Variants in MAP4K4 observed in about 807,000 individuals in gnomAD.
The protein encoded by MAP4K4 is mitogen-activated protein kinase kinase kinase kinase 4.
In MAP4K4, 38 loss-of-function variants were observed where a neutral mutation model predicts 189.6. The ratio of observed to expected loss-of-function variants is 0.20; its 90% CI spans 0.15 to 0.26. MAP4K4 has a LOEUF of 0.26. MAP4K4 is among the 10% of genes least tolerant of loss of function. The pLI, the probability that MAP4K4 is intolerant of heterozygous loss-of-function variation, is 1.00. For synonymous variants in MAP4K4, 610 were observed against 624.3 expected, an observed-to-expected ratio of 0.98 and a Z score of 0.34; for missense variants, 1,054 against 1,726.9, an observed-to-expected ratio of 0.61 and a Z score of 6.91.
chr2:101,838,731 T>C (rs767246418), intron 9 of MAP4K4, among the ~76,000 whole-genome samples: 1 of 152,264 alleles, frequency 6.6e-6, no homozygotes, highest in African/African-American at 2.4e-5. Flanking sequence ...AGTTGATACG[T>C]AAATATTTGT....
At chr2:101,823,001 C>T (rs2096163686) in intron 3 of MAP4K4, among the ~76,000 whole-genome samples, 1 of 152,130 alleles carries the variant, frequency 6.6e-6, no homozygotes, top group South Asian at 2.1e-4. Flanking sequence ...TCTGTACTAA[C>T]TACAAATCTT....
At chr2:101,822,243 G>T (rs868308345) in intron 3 of MAP4K4, among the ~76,000 whole-genome samples, 1 of 152,098 alleles carries the variant, frequency 6.6e-6, no homozygotes, top group Non-Finnish European at 1.5e-5. Flanking sequence ...TATACAGCTG[G>T]CTGTGCGGCA....
chr2:101,841,217 C>T (rs2096908507), intron 10 of MAP4K4, among the ~76,000 whole-genome samples: 2 of 152,146 alleles, frequency 1.3e-5, no homozygotes, highest in Non-Finnish European at 2.9e-5. Context: ...TTTGGGTTTA[C>T]CTTCCAGATA....
chr2:101,839,022 A>G (rs1360928148), intron 9 of MAP4K4, among the ~76,000 whole-genome samples: 1 of 152,226 alleles, frequency 6.6e-6, no homozygotes. Flanking sequence ...TTAAAAGCAG[A>G]TAACCCCAGA....
chr2:101,793,858 T>G (rs917975193), intron 3 of MAP4K4, among the ~76,000 whole-genome samples: 1 of 152,146 alleles, frequency 6.6e-6, no homozygotes, highest in Non-Finnish European at 1.5e-5. Context: ...CCCACTTCAC[T>G]TGCTTTACTT....
chr2:101,719,971 C>A (rs996969856), intron 2 of MAP4K4, among the ~76,000 whole-genome samples: 2 of 151,874 alleles, frequency 1.3e-5, no homozygotes, highest in Non-Finnish European at 1.5e-5. Context: ...GAGATCATGC[C>A]ACTGCACTCC....
At chr2:101,864,043 C>T (rs778273085) in exon 17 of MAP4K4, 3 of 1,359,746 alleles carry the variant, frequency 2.2e-6, no homozygotes, top group Admixed American at 1.9e-5. Context: ...TGACGAGGTG[C>T]CTCCAAGGGT....
chr2:101,762,902 G>A (rs2077093664), intron 2 of MAP4K4, among the ~76,000 whole-genome samples: 1 of 152,208 alleles, frequency 6.6e-6, no homozygotes, highest in Non-Finnish European at 1.5e-5. Context: ...TTTTGGGCTG[G>A]TGGGGGCTGG....
chr2:101,810,388 A>G (rs1037863259), intron 3 of MAP4K4, among the ~76,000 whole-genome samples: 1 of 152,102 alleles, frequency 6.6e-6, no homozygotes, highest in Non-Finnish European at 1.5e-5. Flanking sequence ...TTATGAATTT[A>G]TGTTATAATT....
chr2:101,848,104 T>C (rs966012145), intron 12 of MAP4K4, among the ~76,000 whole-genome samples: 1 of 152,224 alleles, frequency 6.6e-6, no homozygotes, highest in African/African-American at 2.4e-5. Flanking sequence ...GTGCACACTA[T>C]ATGATGTTCA....
rs758019830 is a variant in MAP4K4, at chr2:101,856,280, T to C, written c.1395+142T>C. The C allele has an allele frequency of 6.8e-5, 49 of 722,152 alleles. No homozygotes were observed. The Admixed American group carries it at 8.9e-4, about 13-fold the overall frequency. 44.7% of individuals were successfully genotyped at this position (722,152 alleles called of 1,614,324 possible). ...ACATATACTTAGAACTTCAGATGTA[T>C]GAACGTGGTGAAACACAGTTGGAAT... On this transcript the variant is annotated intron_variant, in intron 13 of 32. Transcript: ENST00000324219.
chr2:101,730,390 G>T (rs1024993343), intron 2 of MAP4K4, among the ~76,000 whole-genome samples: 65 of 152,282 alleles, frequency 4.3e-4, no homozygotes, highest in African/African-American at 1.4e-3. Context: ...TCTCCTTTTT[G>T]GGGTTGTGGT....
At chr2:101,852,632 A>G (rs2097322948) in intron 12 of MAP4K4, among the ~76,000 whole-genome samples, 1 of 152,122 alleles carries the variant, frequency 6.6e-6, no homozygotes, top group Non-Finnish European at 1.5e-5. Context: ...TTTCTTTGAT[A>G]GTGTATTTTG....
At chr2:101,768,377 T>A (rs139480724) in intron 2 of MAP4K4, among the ~76,000 whole-genome samples, 1 of 152,366 alleles carries the variant, frequency 6.6e-6, no homozygotes, top group East Asian at 1.9e-4. Flanking sequence ...ATTGTTGGAT[T>A]AGAGAAGACA....
At chr2:101,888,868 A>G (rs1427545176) in exon 32 of MAP4K4, 2 of 1,613,776 alleles carry the variant, frequency 1.2e-6, no homozygotes, top group East Asian at 2.2e-5. Context: ...GAAACTGGTC[A>G]CTTGGATGGT....
intron 12 of MAP4K4, among the ~76,000 whole-genome samples, chr2:101,854,723 G>A (rs953424297): frequency 1.3e-5 from 2 of 152,132 alleles, no homozygotes; most frequent in African/African-American, 4.8e-5. Context: ...TTATAAATAT[G>A]TCTAACATCC....
chr2:101,871,513 G>A (rs1443683518), exon 24 of MAP4K4: 11 of 1,535,242 alleles, frequency 7.2e-6, no homozygotes, highest in African/African-American at 1.4e-5. Flanking sequence ...GACCAAAAGC[G>A]TGCCAGCCAT....
intron 2 of MAP4K4, among the ~76,000 whole-genome samples, chr2:101,778,755 G>A (rs896132096): frequency 4.6e-5 from 7 of 152,162 alleles, no homozygotes; most frequent in African/African-American, 1.7e-4. Context: ...TTTACATCCT[G>A]ACCTTCACCT....
intron 2 of MAP4K4, among the ~76,000 whole-genome samples, chr2:101,711,050 G>A (rs1404152737): frequency 1.3e-5 from 2 of 152,128 alleles, no homozygotes; most frequent in African/African-American, 2.4e-5. Flanking sequence ...AGGGGCCTTC[G>A]TCAGGCTTCA....
Sources: allele counts gnomAD v4.1 joint callset (sites outside exome capture counted in the v4.1 genomes callset), GRCh38; gene constraint gnomAD v4.1.1; transcripts MANE v1.5; gene names NCBI Gene and HGNC (gene_info 2026-07-23, HGNC 2026-07-21).